Variants in DPYSL5 observed in about 807,000 individuals in gnomAD.
DPYSL5 encodes dihydropyrimidinase like 5, also known as dihydropyrimidinase-related protein 5.
In DPYSL5, 9 loss-of-function variants were observed where a neutral mutation model predicts 58.4. The observed-to-expected ratio is 0.15, with a 90% confidence interval of 0.09 to 0.27. The LOEUF is 0.27. Among genes scored for constraint, DPYSL5 ranks in the 10% least tolerant of loss-of-function variants. The probability of loss-of-function intolerance (pLI) is 1.00; values close to 1 mark genes in which losing one functional copy is unlikely to be tolerated. For synonymous variants in DPYSL5, 293 were observed against 301.9 expected (o/e 0.97, Z 0.31); for missense variants, 499 against 770.6 (o/e 0.65, Z 4.17).
chr2:26,932,137 G>GAGAA (rs531719106), intron 6 of DPYSL5, among the ~76,000 whole-genome samples: 791 of 59,650 alleles, frequency 0.013, 49 homozygotes, highest in African/African-American at 0.018. Context: ...AAGAAAGAAA[G>GAGAA]AGAAAGAAAG....
intron 1 of DPYSL5, among the ~76,000 whole-genome samples, chr2:26,855,425 T>A (rs1665856227): frequency 6.6e-6 from 1 of 151,832 alleles, no homozygotes; most frequent in African/African-American, 2.4e-5. Context: ...CCAGACTCCA[T>A]CTCAAAAAAA....
chr2:26,940,431 C>T (rs979820449), intron 9 of DPYSL5, among the ~76,000 whole-genome samples: 6 of 150,570 alleles, frequency 4.0e-5, no homozygotes, highest in East Asian at 1.9e-4. Context: ...CTTAATTCCA[C>T]GCCTAGAAAT....
Position 26,934,289 on chromosome 2 carries a change from C to T in DPYSL5, c.791-289C>T, listed in dbSNP as rs1425479669. Among the ~76,000 whole-genome samples the T allele has an allele frequency of 6.6e-6, 1 of 152,230 alleles. No individual in the cohort carries two copies. Among genetic ancestry groups the T allele is most frequent in the Non-Finnish European group, 1.5e-5 (1 of 68,038 alleles). On this transcript the variant is annotated intron_variant, in intron 7 of 12. Coordinates refer to ENST00000288699, the MANE Select transcript of DPYSL5 (RefSeq NM_020134.4). The surrounding 1 kb of genome is among the most constrained non-coding windows in gnomAD (Gnocchi z 4.3). ...TCAAGCTCCATCTGCCAACAGCACCCTGCACACACCAGTGCTCTGGTCATC... is the reference window on the plus strand; with the variant it reads ...TCAAGCTCCATCTGCCAACAGCACCTTGCACACACCAGTGCTCTGGTCATC...
In DPYSL5 at chr2:26,940,035, ACT is replaced by A; in HGVS notation, c.955_956del (p.Leu319GlufsTer51). ...TYLMSLLANDTLNIVASDHRP... is the reference protein window; with the variant it reads ...TYLMSLLANDXLNIVASDHRP... The stretch of plus-strand genomic sequence containing the variant: ...CACCTCCTTTTCTCTACCCAGTGAC[ACT>A]CTGAACATCGTGGCATCAGATCACC... On this transcript the variant is annotated frameshift_variant, in exon 9 of 13. Coordinates refer to ENST00000288699, the MANE Select transcript of DPYSL5 (RefSeq NM_020134.4). LOFTEE classifies it high-confidence loss of function. 6.2e-7 allele frequency: 1 copy of A among 1,613,966 alleles called. No individual in the cohort carries two copies. Among genetic ancestry groups the A allele is most frequent in the Non-Finnish European group, 8.5e-7 (1 of 1,179,974 alleles).
intron 1 of DPYSL5, among the ~76,000 whole-genome samples, chr2:26,856,071 G>A (rs1193107201): frequency 6.6e-6 from 1 of 151,920 alleles, no homozygotes; most frequent in Admixed American, 6.6e-5. Context: ...AGTGGCTGAG[G>A]GTGCATTTTA....
intron 1 of DPYSL5, among the ~76,000 whole-genome samples, chr2:26,861,173 CTG>C (rs1250305196): frequency 6.6e-6 from 1 of 152,202 alleles, no homozygotes; most frequent in African/African-American, 2.4e-5. Context: ...AACAGACAGA[CTG>C]TGTTTTTTTG....
At position 26,905,620 on chromosome 2, in the gene DPYSL5, C is replaced by T. The variant is rs1003288602; in HGVS notation, c.261+6860C>T. 5.3e-5 allele frequency among the ~76,000 whole-genome samples: 8 copies of T among 152,126 alleles called. No homozygotes were observed. The highest frequency in any genetic ancestry group is 7.3e-5 in the Non-Finnish European group (5 of 68,034). On this transcript the variant is annotated intron_variant, in intron 2 of 12. Transcript: ENST00000288699. This position sits in a 1 kb window ranked among gnomAD's most constrained non-coding sequence, Gnocchi z 4.0. The stretch of plus-strand genomic sequence containing the variant: ...GCCTAGCTGTGGGGGCTGGGATTGG[C>T]ATAGCTGGGCTCCTCTCTCCACTTT...
At chr2:26,880,071 G>A (rs1455307464) in intron 1 of DPYSL5, among the ~76,000 whole-genome samples, 3 of 151,956 alleles carry the variant, frequency 2.0e-5, no homozygotes, top group Non-Finnish European at 4.4e-5. Context: ...TTGATTTTTT[G>A]TAGAGACAGA....
chr2:26,857,676 C>T (rs1665913767), intron 1 of DPYSL5, among the ~76,000 whole-genome samples: 2 of 152,106 alleles, frequency 1.3e-5, no homozygotes, highest in Non-Finnish European at 2.9e-5. Context: ...TTCAGATTTC[C>T]TATAATGGCC....
chr2:26,943,822 C>T (rs1200769034), intron 11 of DPYSL5, among the ~76,000 whole-genome samples: 1 of 152,224 alleles, frequency 6.6e-6, no homozygotes, highest in East Asian at 1.9e-4. Flanking sequence ...AGACTCCTAA[C>T]TCTACTGCCT....
intron 1 of DPYSL5, among the ~76,000 whole-genome samples, chr2:26,868,125 T>A (rs1663158708): frequency 6.6e-6 from 1 of 152,182 alleles, no homozygotes; most frequent in Admixed American, 6.5e-5. Flanking sequence ...CATCATCTCA[T>A]ATGTTGTTGG....
chr2:26,942,661 G>A lies in DPYSL5; in HGVS notation c.1351G>A (p.Val451Ile), dbSNP rs1157471758. Reference protein sequence around the residue: ...SRGRVVYENGVFMCAEGTGKF... With the variant: ...SRGRVVYENGIFMCAEGTGKF... Reference sequence around the variant, plus strand: ...GGGGCGCGTCGTGTATGAGAACGGCGTCTTCATGTGCGCCGAGGGCACCGG... The same window carrying A: ...GGGGCGCGTCGTGTATGAGAACGGCATCTTCATGTGCGCCGAGGGCACCGG... Residue 451 changes from valine (V) to isoleucine (I), a missense_variant, in exon 11 of 13, where the codon GTC becomes ATC. Val to Ile is a conservative substitution (Grantham distance 29). Coordinates refer to ENST00000288699, the MANE Select transcript of DPYSL5 (RefSeq NM_020134.4). This position sits in a 1 kb window ranked among gnomAD's most constrained non-coding sequence, Gnocchi z 5.9. 5 of 1,614,054 alleles carry A rather than the reference G, an allele frequency of 3.1e-6. No individual in the cohort carries two copies. In the African/African-American group the frequency reaches 5.3e-5, roughly 17 times the overall value.
chr2:26,884,100 G>T (rs543466246), intron 1 of DPYSL5, among the ~76,000 whole-genome samples: 1 of 152,318 alleles, frequency 6.6e-6, no homozygotes, highest in Admixed American at 6.5e-5. Context: ...CTGGGGCCTG[G>T]AGACAGCTGG....
intron 1 of DPYSL5, among the ~76,000 whole-genome samples, chr2:26,867,466 T>G (rs1253443107): frequency 3.3e-5 from 5 of 149,686 alleles, no homozygotes; most frequent in African/African-American, 1.2e-4. Context: ...TTTGTTTTTT[T>G]TTTTTTTGAG....
At chr2:26,931,259 C>A (rs550141694) in intron 5 of DPYSL5, among the ~76,000 whole-genome samples, 30 of 119,506 alleles carry the variant, frequency 2.5e-4, no homozygotes, top group African/African-American at 9.1e-4. Context: ...GCCAATAGTA[C>A]CATGCGCAGA....
chr2:26,882,908 TAAAAAAAAAAA>T (rs74378520), intron 1 of DPYSL5, among the ~76,000 whole-genome samples: 1 of 100,124 alleles, frequency 1.0e-5, no homozygotes, highest in African/African-American at 3.8e-5. Flanking sequence ...GAGACTATCT[TAAAAAAAAAAA>T]AAAAAAAAAA....
intron 1 of DPYSL5, among the ~76,000 whole-genome samples, chr2:26,895,032 C>T (rs1286039539): frequency 6.6e-6 from 1 of 152,212 alleles, no homozygotes; most frequent in African/African-American, 2.4e-5. Context: ...GAATATCCAA[C>T]ACCAATTGTT....
intron 2 of DPYSL5, among the ~76,000 whole-genome samples, chr2:26,902,748 G>A (rs568250011): frequency 1.1e-4 from 17 of 152,248 alleles, no homozygotes; most frequent in Admixed American, 8.5e-4. Flanking sequence ...ACAGGAGGTC[G>A]GCACAGGATA....
intron 12 of DPYSL5, among the ~76,000 whole-genome samples, chr2:26,945,245 C>G (rs1324976000): frequency 6.6e-6 from 1 of 152,140 alleles, no homozygotes; most frequent in East Asian, 1.9e-4. Context: ...CCTTCTGCTA[C>G]CCCCTCTCCT....
Sources: allele counts gnomAD v4.1 joint callset (sites outside exome capture counted in the v4.1 genomes callset), GRCh38; gene constraint gnomAD v4.1.1; non-coding constraint Gnocchi (gnomAD v3.1); transcripts MANE v1.5; gene names NCBI Gene and HGNC (gene_info 2026-07-23, HGNC 2026-07-21).